ARID1B: variants seen among roughly 807,000 people sequenced by gnomAD.
The protein encoded by ARID1B is AT-rich interactive domain-containing protein 1B.
In ARID1B, 30 loss-of-function variants were observed where a neutral mutation model predicts 212.3. The ratio of observed to expected loss-of-function variants is 0.14; its 90% CI spans 0.11 to 0.19. ARID1B has a LOEUF of 0.19. Among genes scored for constraint, ARID1B ranks in the 10% least tolerant of loss-of-function variants. The probability of loss-of-function intolerance (pLI) is 1.00; values close to 1 mark genes in which losing one functional copy is unlikely to be tolerated. For missense variants in ARID1B, 2,891 were observed against 3,204.0 expected (o/e 0.90, Z 2.36); for synonymous variants, 1,402 against 1,301.7 (o/e 1.08, Z -1.66).
chr6:156,903,038 T>G (rs1269594283), intron 3 of ARID1B, among the ~76,000 whole-genome samples: 1 of 152,192 alleles, frequency 6.6e-6, no homozygotes, highest in Non-Finnish European at 1.5e-5. Flanking sequence ...GACTGTAGTG[T>G]GCTGAAATGA....
chr6:157,122,195 G>T (rs1381385704), intron 6 of ARID1B, among the ~76,000 whole-genome samples: 1 of 151,758 alleles, frequency 6.6e-6, no homozygotes, highest in African/African-American at 2.4e-5. Flanking sequence ...ATGTCTCTTG[G>T]CTTAGTCTTT....
intron 6 of ARID1B, among the ~76,000 whole-genome samples, chr6:157,119,058 C>T (rs1469580911): frequency 5.9e-5 from 9 of 152,092 alleles, no homozygotes; most frequent in East Asian, 1.9e-4. Flanking sequence ...AGTGAAAAAC[C>T]GTTGTCTTTT....
chr6:157,176,677 C>A (rs1792125179), intron 11 of ARID1B, among the ~76,000 whole-genome samples: 1 of 152,128 alleles, frequency 6.6e-6, no homozygotes, highest in South Asian at 2.1e-4. Flanking sequence ...GAAACCTTGT[C>A]TCTACTAAAA....
chr6:156,799,486 A>G (rs1026246913), intron 1 of ARID1B, among the ~76,000 whole-genome samples: 4 of 152,130 alleles, frequency 2.6e-5, no homozygotes, highest in Non-Finnish European at 5.9e-5. Flanking sequence ...CAGTTGATAT[A>G]TATATATTTG....
chr6:157,129,782 A>G (rs968326628), intron 6 of ARID1B, among the ~76,000 whole-genome samples: 7 of 152,244 alleles, frequency 4.6e-5, no homozygotes, highest in Non-Finnish European at 7.3e-5. Flanking sequence ...GTAAATAGAA[A>G]AAGAAATACC....
At chr6:156,809,181 C>A (rs1437250076) in intron 1 of ARID1B, among the ~76,000 whole-genome samples, 1 of 152,078 alleles carries the variant, frequency 6.6e-6, no homozygotes, top group Non-Finnish European at 1.5e-5. Flanking sequence ...CAGCTCTGTG[C>A]ACTGCTGAGC....
chr6:156,859,008 A>G (rs1192223509), intron 2 of ARID1B, among the ~76,000 whole-genome samples: 1 of 152,176 alleles, frequency 6.6e-6, no homozygotes, highest in South Asian at 2.1e-4. Flanking sequence ...TATCAACCCT[A>G]TACACTTAGG....
intron 2 of ARID1B, among the ~76,000 whole-genome samples, chr6:156,894,100 G>A (rs1404898727): frequency 2.0e-5 from 3 of 151,932 alleles, no homozygotes; most frequent in Non-Finnish European, 4.4e-5. Flanking sequence ...GCCTTAAAAC[G>A]GAATGAAACA....
intron 4 of ARID1B, among the ~76,000 whole-genome samples, chr6:157,062,511 T>C (rs2128409442): frequency 6.6e-6 from 1 of 152,134 alleles, no homozygotes; most frequent in South Asian, 2.1e-4. Context: ...TTTCTCCTTT[T>C]GTTAATTGCT....
chr6:156,890,008 G>A (rs987421765), intron 2 of ARID1B, among the ~76,000 whole-genome samples: 5 of 152,156 alleles, frequency 3.3e-5, no homozygotes, highest in African/African-American at 4.8e-5. Flanking sequence ...TAAAGAGATA[G>A]CCTGGACTGG....
At chr6:156,991,134 A>G (rs1778251655) in intron 4 of ARID1B, among the ~76,000 whole-genome samples, 1 of 152,232 alleles carries the variant, frequency 6.6e-6, no homozygotes, top group Admixed American at 6.5e-5. Context: ...TACACATGGC[A>G]GAGACAGTTT....
intron 15 of ARID1B, among the ~76,000 whole-genome samples, chr6:157,191,367 C>T (rs1287260241): frequency 6.6e-6 from 1 of 151,668 alleles, no homozygotes; most frequent in African/African-American, 2.4e-5. Context: ...GGAAAAGGAC[C>T]GGGCTAGAGA....
chr6:157,021,360 C>G (rs1255890249), intron 4 of ARID1B, among the ~76,000 whole-genome samples: 1 of 152,232 alleles, frequency 6.6e-6, no homozygotes, highest in Non-Finnish European at 1.5e-5. Context: ...AGTGGGACCA[C>G]CAGGCAGCGG....
chr6:156,792,300 C>A (rs117096263), intron 1 of ARID1B, among the ~76,000 whole-genome samples: 2 of 152,128 alleles, frequency 1.3e-5, no homozygotes, highest in Admixed American at 6.5e-5. Flanking sequence ...TGCAGCCCCC[C>A]CTTTTTAAAA....
chr6:157,179,430 A>G (rs997072338), intron 11 of ARID1B, among the ~76,000 whole-genome samples: 1 of 152,130 alleles, frequency 6.6e-6, no homozygotes, highest in Admixed American at 6.5e-5. Context: ...ATTTGGATAT[A>G]TAGTTTCTAT....
At chr6:156,967,264 C>CACATACAAATGGCCACAT (rs1416300906) in intron 4 of ARID1B, among the ~76,000 whole-genome samples, 2 of 151,844 alleles carry the variant, frequency 1.3e-5, no homozygotes, top group Non-Finnish European at 2.9e-5. Context: ...TTCATACACA[C>CACATACAAATGGCCACAT]ACATACACAT....
In ARID1B at chr6:157,201,502, A is replaced by G; in HGVS notation, c.5263+14A>G. The G allele has an allele frequency of 6.7e-7, 1 of 1,495,042 alleles. No individual in the cohort carries two copies. The highest frequency in any genetic ancestry group is 8.9e-7 in the Non-Finnish European group (1 of 1,122,194). The allele number at this position is 1,495,042 out of a possible 1,614,324, so 92.6% of individuals were successfully genotyped here. A position where few individuals can be genotyped will look rare whatever the true frequency, so the allele number is the denominator to read the frequency against. ...CCAAAGATATCGGTAAGAATTCCAA[A>G]GCTTTCATTCTGAAATGAATTCCAG... On this transcript the variant is annotated intron_variant, in intron 18 of 19. Transcript: ENST00000636930. This position sits in a 1 kb window ranked among gnomAD's most constrained non-coding sequence, Gnocchi z 5.2.
chr6:156,865,381 A>G (rs1207841157), intron 2 of ARID1B, among the ~76,000 whole-genome samples: 2 of 152,224 alleles, frequency 1.3e-5, no homozygotes, highest in Admixed American at 6.5e-5. Flanking sequence ...TTCCTTCACA[A>G]TTCTGAAGCA....
intron 2 of ARID1B, among the ~76,000 whole-genome samples, chr6:156,851,052 G>T (rs1468464615): frequency 6.6e-6 from 1 of 152,132 alleles, no homozygotes; most frequent in Non-Finnish European, 1.5e-5. Flanking sequence ...GTTCTGTGTG[G>T]TTATATTATT....
Sources: allele counts gnomAD v4.1 joint callset (sites outside exome capture counted in the v4.1 genomes callset), GRCh38; gene constraint gnomAD v4.1.1; non-coding constraint Gnocchi (gnomAD v3.1); transcripts MANE v1.5; gene names NCBI Gene and HGNC (gene_info 2026-07-23, HGNC 2026-07-21).